The following SUGCT variants were observed in gnomAD, a reference collection of about 807,000 sequenced individuals.
The protein encoded by SUGCT is succinyl-CoA:glutarate-CoA transferase.
In SUGCT, 41 loss-of-function variants were observed where a neutral mutation model predicts 55.0. The observed-to-expected ratio is 0.74, with a 90% CI of 0.58 to 0.97. SUGCT has a LOEUF of 0.97. Among genes scored for constraint, SUGCT ranks in the 50% least tolerant of loss-of-function variants. The pLI is 0.00. For synonymous variants in SUGCT, 187 were observed against 200.4 expected, an observed-to-expected ratio of 0.93 and a Z score of 0.56; for missense variants, 568 against 547.8, an observed-to-expected ratio of 1.04 and a Z score of -0.37.
intron 1 of SUGCT, among the ~76,000 whole-genome samples, chr7:40,155,916 G>A (rs992252850): frequency 3.3e-5 from 5 of 150,096 alleles, no homozygotes; most frequent in Non-Finnish European, 5.9e-5. Context: ...AGAGTGCAGC[G>A]GCACAATCCT....
At chr7:40,854,419 C>CCTTCCTTTCTTTCTTTCTTT (rs1794036747) in intron 13 of SUGCT, among the ~76,000 whole-genome samples, 4 of 88,804 alleles carry the variant, frequency 4.5e-5, no homozygotes, top group Non-Finnish European at 8.7e-5. Context: ...TTCTTTCTTT[C>CCTTCCTTTCTTTCTTTCTTT]CTTTCTTTCT....
chr7:40,203,433 G>A (rs150536339), intron 6 of SUGCT, among the ~76,000 whole-genome samples: 249 of 152,218 alleles, frequency 1.6e-3, no homozygotes, highest in Non-Finnish European at 1.7e-3. Flanking sequence ...ACATTAAGTC[G>A]AGTGAACATG....
intron 12 of SUGCT, among the ~76,000 whole-genome samples, chr7:40,506,301 AC>A (rs1792588532): frequency 6.6e-6 from 1 of 152,006 alleles, no homozygotes; most frequent in African/African-American, 2.4e-5. Context: ...TCCTCTGAAC[AC>A]TTTGAATATG....
At chr7:40,444,994 G>C (rs1788735583) in intron 9 of SUGCT, among the ~76,000 whole-genome samples, 1 of 152,128 alleles carries the variant, frequency 6.6e-6, no homozygotes, top group Non-Finnish European at 1.5e-5. Flanking sequence ...TGTGGTTTTT[G>C]TCTTTGCTTC....
intron 12 of SUGCT, among the ~76,000 whole-genome samples, chr7:40,548,032 C>T (rs886110236): frequency 6.6e-6 from 1 of 151,968 alleles, no homozygotes; most frequent in African/African-American, 2.4e-5. Context: ...CTCCTTTTAG[C>T]CTTATAATCT....
Position 40,461,008 on chromosome 7 carries a change from G to T in SUGCT, c.986+1810G>T, listed in dbSNP as rs138337464. On this transcript the variant is annotated intron_variant, in intron 11 of 13. Coordinates refer to ENST00000335693, the MANE Select transcript of SUGCT (RefSeq NM_001193313.2). The stretch of plus-strand genomic sequence containing the variant: ...AGATAGAGCCCTTGGCTGCTTGCAG[G>T]CTAGCTTTTGTGCTCTCTTCTGCTA... Among the ~76,000 whole-genome samples, 470 of 152,236 alleles carry T rather than the reference G, an allele frequency of 3.1e-3. 9 individuals are homozygous for T. Among genetic ancestry groups the T allele is most frequent in the East Asian group, 0.025 (129 of 5,176 alleles).
At chr7:40,970,228 A>G in the SUGCT span, among the ~76,000 whole-genome samples, 2 of 152,116 alleles carry the variant, frequency 1.3e-5, no homozygotes, top group East Asian at 1.9e-4. Flanking sequence ...CTGGAATGCA[A>G]TGACGCGATG....
At chr7:40,522,341 C>A (rs754464058) in intron 12 of SUGCT, among the ~76,000 whole-genome samples, 1 of 152,032 alleles carries the variant, frequency 6.6e-6, no homozygotes, top group Admixed American at 6.6e-5. Flanking sequence ...CTTCAAAAGC[C>A]CTTTCTCTAA....
At chr7:40,751,610 C>G (rs890590871) in intron 13 of SUGCT, among the ~76,000 whole-genome samples, 1 of 152,260 alleles carries the variant, frequency 6.6e-6, no homozygotes, top group African/African-American at 2.4e-5. Flanking sequence ...CAGAGTTAGG[C>G]TGATTGATAG....
Position 40,272,995 on chromosome 7 carries a change from A to G in SUGCT, c.577-1518A>G, listed in dbSNP as rs550972254. ...CTTTTATTGAAAAAAAATTCCACGT[A>G]TAAGTGGATCCATGCAGTTCAGAAC... On this transcript the variant is annotated intron_variant, in intron 7 of 13. Coordinates refer to ENST00000335693, the MANE Select transcript of SUGCT (RefSeq NM_001193313.2). Among the ~76,000 whole-genome samples, 7 of 152,276 alleles carry G rather than the reference A, an allele frequency of 4.6e-5. No homozygotes were observed. In the South Asian group the frequency reaches 8.3e-4, roughly 18 times the overall value.
chr7:40,940,231 C>T, the SUGCT span, among the ~76,000 whole-genome samples: 2 of 152,100 alleles, frequency 1.3e-5, no homozygotes, highest in South Asian at 2.1e-4. Flanking sequence ...TTCCATTAGT[C>T]TATATATCTA....
At chr7:40,653,021 G>C (rs1310935699) in intron 12 of SUGCT, among the ~76,000 whole-genome samples, 1 of 152,182 alleles carries the variant, frequency 6.6e-6, no homozygotes, top group Non-Finnish European at 1.5e-5. Context: ...TCTTGAAAAT[G>C]CCTGTTCACT....
intron 12 of SUGCT, among the ~76,000 whole-genome samples, chr7:40,669,627 C>CAA (rs370507947): frequency 2.1e-5 from 3 of 142,384 alleles, no homozygotes; most frequent in Non-Finnish European, 4.6e-5. Flanking sequence ...ATACAATAAC[C>CAA]AAAAAAAAAA....
chr7:40,324,790 A>C (rs549726563), intron 9 of SUGCT, among the ~76,000 whole-genome samples: 1 of 152,128 alleles, frequency 6.6e-6, no homozygotes, highest in Non-Finnish European at 1.5e-5. Flanking sequence ...GGGGTAGTTG[A>C]CTTTCTGAGT....
At chr7:40,898,851 T>G in the SUGCT span, among the ~76,000 whole-genome samples, 2 of 152,116 alleles carry the variant, frequency 1.3e-5, no homozygotes, top group Non-Finnish European at 2.9e-5. Flanking sequence ...GTGATTCATG[T>G]GATCAAAGTG....
At chr7:40,817,801 G>A (rs565384474) in intron 13 of SUGCT, among the ~76,000 whole-genome samples, 1 of 152,224 alleles carries the variant, frequency 6.6e-6, no homozygotes, top group East Asian at 1.9e-4. Context: ...GGAAGGAAGA[G>A]AAGAAATAGC....
intron 9 of SUGCT, among the ~76,000 whole-genome samples, chr7:40,319,080 T>C (rs2151116354): frequency 6.6e-6 from 1 of 152,318 alleles, no homozygotes; most frequent in Admixed American, 6.5e-5. Context: ...TCTGTGTCTG[T>C]GTTTGTCTGT....
the SUGCT span, among the ~76,000 whole-genome samples, chr7:40,912,102 C>A: frequency 6.6e-6 from 1 of 151,562 alleles, no homozygotes; most frequent in African/African-American, 2.4e-5. Context: ...TGCTTCACTT[C>A]AACTTACTGT....
At chr7:40,639,419 T>C (rs529788067) in intron 12 of SUGCT, among the ~76,000 whole-genome samples, 1 of 152,356 alleles carries the variant, frequency 6.6e-6, no homozygotes, top group Non-Finnish European at 1.5e-5. Flanking sequence ...AAGAATTGAC[T>C]TATCAAATAT....
Sources: allele counts gnomAD v4.1 joint callset (sites outside exome capture counted in the v4.1 genomes callset), GRCh38; gene constraint gnomAD v4.1.1; transcripts MANE v1.5; gene names NCBI Gene and HGNC (gene_info 2026-07-23, HGNC 2026-07-21).